Variants in ADAMTSL1 observed in about 807,000 individuals in gnomAD.
ADAMTSL1 encodes the protein ADAMTS-like protein 1.
ADAMTSL1 carries 126 observed loss-of-function variants against 201.8 expected under a neutral mutation model. The observed-to-expected ratio is 0.62, with a 90% CI of 0.54 to 0.72. ADAMTSL1 has a LOEUF of 0.72. Ranked by LOEUF, ADAMTSL1 falls within the 30% of genes least tolerant of loss-of-function variation. ADAMTSL1 has a pLI of 0.00. For synonymous variants in ADAMTSL1, 1,121 were observed against 903.4 expected (o/e 1.24, Z -4.32); for missense variants, 2,679 against 2,277.8 (o/e 1.18, Z -3.59).
chr9:17,929,546 C>T (rs1486607192), intron 1 of ADAMTSL1, among the ~76,000 whole-genome samples: 1 of 152,148 alleles, frequency 6.6e-6, no homozygotes, highest in Non-Finnish European at 1.5e-5. Context: ...TTCTATCCTC[C>T]TCCTCTTCCC....
intron 8 of ADAMTSL1, 134 bp downstream of exon 8, chr9:18,657,884 G>A: frequency 1.5e-6 from 1 of 678,970 alleles, no homozygotes; most frequent in South Asian, 1.9e-5. Flanking sequence ...TGAACAGAGT[G>A]GAATCTCGAG....
chr9:18,621,193 C>G (rs183515042), intron 4 of ADAMTSL1, among the ~76,000 whole-genome samples: 1 of 152,114 alleles, frequency 6.6e-6, no homozygotes, highest in African/African-American at 2.4e-5. Context: ...CTAACTAGAA[C>G]TGTAAGCCAT....
chr9:18,329,780 GCATTCATTCATT>G (rs10547462), intron 2 of ADAMTSL1, among the ~76,000 whole-genome samples: 2 of 152,006 alleles, frequency 1.3e-5, no homozygotes, highest in Non-Finnish European at 2.9e-5. Context: ...ACTTATGTAT[GCATTCATTCATT>G]CATTCATTCA....
intron 23 of ADAMTSL1, among the ~76,000 whole-genome samples, chr9:18,856,419 CAT>C (rs1435881010): frequency 6.8e-6 from 1 of 147,976 alleles, no homozygotes; most frequent in African/African-American, 2.5e-5. Context: ...TTATTGTTGA[CAT>C]AGCAATGATA....
In ADAMTSL1 at chr9:18,881,828, T is replaced by C. The variant is rs142423912; in HGVS notation, c.4250-6003T>C. ...CCTGTTAGTTGCTTCTCCTGGGTCTTGAGTTCCAAGAACTCCACATCCATG... is the reference window on the plus strand; with the variant it reads ...CCTGTTAGTTGCTTCTCCTGGGTCTCGAGTTCCAAGAACTCCACATCCATG... On this transcript the variant is annotated intron_variant, in intron 23 of 28. Transcript: ENST00000380548. Among the ~76,000 whole-genome samples the C allele has an allele frequency of 2.7e-3, 416 of 152,300 alleles. 2 individuals are homozygous for C. The highest frequency in any genetic ancestry group is 9.5e-3 in the African/African-American group (394 of 41,558).
chr9:18,352,134 C>T (rs779748505), intron 2 of ADAMTSL1, among the ~76,000 whole-genome samples: 4 of 152,114 alleles, frequency 2.6e-5, no homozygotes, highest in Non-Finnish European at 5.9e-5. Flanking sequence ...TTAAAATACA[C>T]AGCTGTAGCT....
At chr9:18,479,973 G>C (rs148333201) in intron 1 of ADAMTSL1, among the ~76,000 whole-genome samples, 59 of 152,262 alleles carry the variant, frequency 3.9e-4, no homozygotes, top group African/African-American at 1.4e-3. Context: ...TTAAATATAC[G>C]TAGCCACACA....
chr9:17,981,232 C>G (rs1211670893), intron 1 of ADAMTSL1, among the ~76,000 whole-genome samples: 1 of 152,176 alleles, frequency 6.6e-6, no homozygotes, highest in African/African-American at 2.4e-5. Context: ...GTGTTGTGAT[C>G]TTGGACTTTC....
intron 1 of ADAMTSL1, among the ~76,000 whole-genome samples, chr9:18,117,591 C>T (rs755494314): frequency 2.2e-4 from 33 of 152,156 alleles, no homozygotes; most frequent in Non-Finnish European, 2.8e-4. Flanking sequence ...ACTCCCAACA[C>T]CTCTTCCCAT....
chr9:18,252,705 A>G (rs1011174448), intron 2 of ADAMTSL1, among the ~76,000 whole-genome samples: 1 of 152,154 alleles, frequency 6.6e-6, no homozygotes, highest in African/African-American at 2.4e-5. Context: ...ACTGTATTTT[A>G]AAGCCCATCA....
chr9:18,733,208 C>T (rs930878660), intron 15 of ADAMTSL1, among the ~76,000 whole-genome samples: 1 of 152,158 alleles, frequency 6.6e-6, no homozygotes, highest in African/African-American at 2.4e-5. Context: ...CTCATAGCAG[C>T]GTACAACCTA....
At chr9:17,951,451 A>G (rs1827724666) in intron 1 of ADAMTSL1, among the ~76,000 whole-genome samples, 1 of 151,956 alleles carries the variant, frequency 6.6e-6, no homozygotes, top group Non-Finnish European at 1.5e-5. Context: ...TCTGCAGGGG[A>G]GTTTCTCCCA....
chr9:18,474,097 A>C, upstream of ADAMTSL1: 7 of 495,798 alleles, frequency 1.4e-5, no homozygotes, highest in East Asian at 4.7e-5. Flanking sequence ...CCCCTCGGTC[A>C]GGAAATGTGA....
chr9:17,926,348 A>G (rs1025939785), intron 1 of ADAMTSL1, among the ~76,000 whole-genome samples: 5 of 152,178 alleles, frequency 3.3e-5, no homozygotes, highest in African/African-American at 1.2e-4. Flanking sequence ...AATAGCAAAT[A>G]ACCCCCAAAA....
At chr9:18,254,529 AC>A (rs1236056456) in intron 2 of ADAMTSL1, among the ~76,000 whole-genome samples, 2 of 151,356 alleles carry the variant, frequency 1.3e-5, no homozygotes, top group East Asian at 2.0e-4. Context: ...CGCCCGGCTA[AC>A]TTTTTTGTAT....
chr9:18,105,868 C>T (rs758817819), intron 1 of ADAMTSL1, among the ~76,000 whole-genome samples: 14 of 152,290 alleles, frequency 9.2e-5, no homozygotes, highest in Middle Eastern at 3.4e-3. Context: ...AACACAGGCC[C>T]ACTGCACCAT....
At chr9:18,449,857 G>T (rs1224951517) in intron 2 of ADAMTSL1, among the ~76,000 whole-genome samples, 1 of 152,158 alleles carries the variant, frequency 6.6e-6, no homozygotes, top group African/African-American at 2.4e-5. Flanking sequence ...GGAATGGCTG[G>T]CATTTTAAAA....
chr9:18,242,179 A>G, intron 2 of ADAMTSL1, among the ~76,000 whole-genome samples: 1 of 152,194 alleles, frequency 6.6e-6, no homozygotes, highest in Middle Eastern at 3.2e-3. Flanking sequence ...AATGGGATTC[A>G]TCCCTGACAT....
intron 2 of ADAMTSL1, among the ~76,000 whole-genome samples, chr9:18,196,440 G>T (rs763479970): frequency 6.6e-6 from 1 of 151,972 alleles, no homozygotes; most frequent in Non-Finnish European, 1.5e-5. Context: ...TAAAAATGTG[G>T]CTGTTGCAGC....
Sources: gnomAD v4.1 joint callset for allele counts (sites outside exome capture counted in the v4.1 genomes callset) on GRCh38, gnomAD v4.1.1 for gene constraint, MANE v1.5 for transcripts, NCBI Gene and HGNC (gene_info 2026-07-23, HGNC 2026-07-21) for gene names.